CORIN: variants seen among roughly 807,000 people sequenced by gnomAD.
CORIN encodes the protein atrial natriuretic peptide-converting enzyme.
Under a neutral mutation model 125.3 loss-of-function variants are expected in CORIN, and 117 were observed. That is an observed-to-expected ratio of 0.93 (90% CI 0.80 to 1.09). The LOEUF (loss-of-function observed/expected upper bound fraction) is 1.09. Among genes scored for constraint, CORIN ranks in the 50% least tolerant of loss-of-function variants. The pLI is 0.00. For missense variants in CORIN, 1,253 were observed against 1,306.7 expected (o/e 0.96, Z 0.63); for synonymous variants, 450 against 466.4 (o/e 0.96, Z 0.45).
In CORIN at chr4:47,645,865, G is replaced by A. The variant is rs567837650; in HGVS notation, c.1844-671C>T. On this transcript the variant is annotated intron_variant, in intron 13 of 21. Transcript: ENST00000273857. ...TGCACAACTGCACTCCAGCCTGGGT[G>A]ACAGAACAAGACTCTGCCTTTTAAA... 7.2e-5 allele frequency among the ~76,000 whole-genome samples: 11 copies of A among 152,218 alleles called. No individual in the cohort carries two copies. In the East Asian group the frequency reaches 2.1e-3, roughly 29 times the overall value.
chr4:47,645,130 G>T lies in CORIN; in HGVS notation c.1908C>A (p.Ile636=), dbSNP rs928940884. Residue 636 remains isoleucine (I), a synonymous_variant, in exon 14 of 22, where the codon ATC becomes ATA. Coordinates refer to ENST00000273857, the MANE Select transcript of CORIN (RefSeq NM_006587.4). ...SNKQCLKHTV[I]CDGFPDCPDY... is the part of the protein sequence containing the mutation. ...CAGGGCAGTCTGGGAACCCATCGCA[G>T]ATCACTGTGTGCTTCAAACATTGTT... 1.9e-6 allele frequency: 3 copies of T among 1,613,124 alleles called. No individual in the cohort carries two copies. The highest frequency in any genetic ancestry group is 2.5e-6 in the Non-Finnish European group (3 of 1,179,558).
At chr4:47,701,879 G>A (rs1313586473) in intron 5 of CORIN, among the ~76,000 whole-genome samples, 1 of 151,950 alleles carries the variant, frequency 6.6e-6, no homozygotes, top group African/African-American at 2.4e-5. Context: ...TTTTTAAATC[G>A]TTGGAAAACA....
Position 47,603,168 on chromosome 4 carries a change from G to C in CORIN, c.2812+229C>G, listed in dbSNP as rs556694719. On this transcript the variant is annotated intron_variant, in intron 20 of 21. Coordinates refer to ENST00000273857, the MANE Select transcript of CORIN (RefSeq NM_006587.4). ...CCTCTTGATAGTGAGTTCTCACGAG[G>C]TCTGATGGTTTTATAAGGGGCTTTT... is the stretch of plus-strand genomic sequence containing the variant. 7.9e-5 allele frequency among the ~76,000 whole-genome samples: 12 copies of C among 152,260 alleles called. 1 individual carries two copies. The highest frequency in any genetic ancestry group is 2.9e-4 in the African/African-American group (12 of 41,556).
At chr4:47,637,342 C>T (rs953835614) in intron 16 of CORIN, among the ~76,000 whole-genome samples, 45 of 152,202 alleles carry the variant, frequency 3.0e-4, no homozygotes, top group African/African-American at 1.1e-3. Flanking sequence ...AGGAGAAATT[C>T]AAGCTGGCTG....
At chr4:47,745,688 G>A (rs529286747) in intron 4 of CORIN, among the ~76,000 whole-genome samples, 1 of 152,238 alleles carries the variant, frequency 6.6e-6, no homozygotes, top group Non-Finnish European at 1.5e-5. Flanking sequence ...TAATAGTTGG[G>A]CTTTTAAAAC....
chr4:47,737,472 T>A (rs1481536736), intron 5 of CORIN, among the ~76,000 whole-genome samples: 1 of 152,186 alleles, frequency 6.6e-6, no homozygotes, highest in Non-Finnish European at 1.5e-5. Context: ...AAGGACCACA[T>A]CCAATGACTG....
At chr4:47,779,935 A>T (rs1730466544) in intron 3 of CORIN, among the ~76,000 whole-genome samples, 1 of 152,214 alleles carries the variant, frequency 6.6e-6, no homozygotes, top group Non-Finnish European at 1.5e-5. Context: ...CAATTTAGAC[A>T]GCATCATGGT....
intron 3 of CORIN, among the ~76,000 whole-genome samples, chr4:47,778,383 C>G (rs1053899708): frequency 2.0e-5 from 3 of 152,220 alleles, no homozygotes; most frequent in South Asian, 2.1e-4. Context: ...GGACTGTACC[C>G]AAAGGAGAGT....
chr4:47,643,665 A>G (rs1462688755), intron 14 of CORIN, among the ~76,000 whole-genome samples: 1 of 151,944 alleles, frequency 6.6e-6, no homozygotes, highest in African/African-American at 2.4e-5. Context: ...TTTTTTTTCC[A>G]TCTCTATTAT....
chr4:47,606,768 C>A (rs1721666736), intron 19 of CORIN, among the ~76,000 whole-genome samples: 1 of 151,738 alleles, frequency 6.6e-6, no homozygotes, highest in Non-Finnish European at 1.5e-5. Flanking sequence ...TCCCTTCTCT[C>A]CTTTCTTCTT....
intron 2 of CORIN, among the ~76,000 whole-genome samples, chr4:47,792,733 AGT>A (rs1731134367): frequency 6.6e-6 from 1 of 152,140 alleles, no homozygotes; most frequent in East Asian, 1.9e-4. Flanking sequence ...AAAACTAAAA[AGT>A]GTTGCTTCTA....
At chr4:47,646,613 G>C (rs1221270611) in intron 13 of CORIN, among the ~76,000 whole-genome samples, 4 of 152,192 alleles carry the variant, frequency 2.6e-5, no homozygotes, top group Non-Finnish European at 5.9e-5. Context: ...CATGAAGGAA[G>C]AGACTACATG....
chr4:47,669,239 C>T (rs543730277), intron 10 of CORIN, among the ~76,000 whole-genome samples: 77 of 152,110 alleles, frequency 5.1e-4, no homozygotes, highest in Non-Finnish European at 9.4e-4. Flanking sequence ...AAGATGGGAT[C>T]GTTAACTCAA....
intron 1 of CORIN, among the ~76,000 whole-genome samples, chr4:47,811,643 G>T (rs568237077): frequency 6.6e-6 from 1 of 152,244 alleles, no homozygotes; most frequent in South Asian, 2.1e-4. Flanking sequence ...GAGATCACAG[G>T]CTTGAGCCAC....
At chr4:47,713,368 T>C (rs1470547819) in intron 5 of CORIN, among the ~76,000 whole-genome samples, 1 of 152,208 alleles carries the variant, frequency 6.6e-6, no homozygotes, top group Non-Finnish European at 1.5e-5. Context: ...CTCAGCATTT[T>C]TAAGGAAGAA....
chr4:47,712,691 C>A (rs1465752968), intron 5 of CORIN, among the ~76,000 whole-genome samples: 1 of 152,152 alleles, frequency 6.6e-6, no homozygotes, highest in Non-Finnish European at 1.5e-5. Context: ...TAAATGTTTA[C>A]AAATCTCTTA....
At chr4:47,659,341 T>C (rs1212126157) in intron 12 of CORIN, among the ~76,000 whole-genome samples, 2 of 152,202 alleles carry the variant, frequency 1.3e-5, no homozygotes, top group African/African-American at 2.4e-5. Context: ...GCTGAACATC[T>C]AGTACCAATT....
At chr4:47,809,559 C>G (rs1438464340) in intron 1 of CORIN, among the ~76,000 whole-genome samples, 1 of 151,942 alleles carries the variant, frequency 6.6e-6, no homozygotes, top group Non-Finnish European at 1.5e-5. Context: ...CACACACCAC[C>G]ACTCCCGGCT....
intron 1 of CORIN, among the ~76,000 whole-genome samples, chr4:47,813,105 C>T (rs980697761): frequency 6.6e-6 from 1 of 152,152 alleles, no homozygotes; most frequent in Non-Finnish European, 1.5e-5. Flanking sequence ...TTTTGCATAG[C>T]AACCGCCAAG....
Sources: allele counts gnomAD v4.1 joint callset (sites outside exome capture counted in the v4.1 genomes callset), GRCh38; gene constraint gnomAD v4.1.1; transcripts MANE v1.5; gene names NCBI Gene and HGNC (gene_info 2026-07-23, HGNC 2026-07-21).